The following SDHAF3 variants were observed in gnomAD, a reference collection of about 807,000 sequenced individuals.
SDHAF3 encodes the protein succinate dehydrogenase assembly factor 3, mitochondrial.
In SDHAF3, 18 loss-of-function variants were observed where a neutral mutation model predicts 11.5. That is an observed-to-expected ratio of 1.56 (90% confidence interval 1.08 to 2.32). SDHAF3 has a LOEUF of 2.32. Among genes scored for constraint, SDHAF3 ranks in the 30% most tolerant of loss-of-function variants. The pLI is 0.00. For missense variants in SDHAF3, 200 were observed against 154.4 expected, an observed-to-expected ratio of 1.30 and a Z score of -1.57; for synonymous variants, 72 against 59.3, an observed-to-expected ratio of 1.21 and a Z score of -0.99.
At chr7:97,119,361 T>A (rs1395426542) in intron 1 of SDHAF3, among the ~76,000 whole-genome samples, 2 of 151,728 alleles carry the variant, frequency 1.3e-5, no homozygotes, top group Non-Finnish European at 2.9e-5. Flanking sequence ...TCAGAAAAAA[T>A]TGATAATAGG....
intron 1 of SDHAF3, among the ~76,000 whole-genome samples, chr7:97,158,625 G>A (rs1005728283): frequency 6.6e-6 from 1 of 152,136 alleles, no homozygotes; most frequent in African/African-American, 2.4e-5. Flanking sequence ...CACCCAGCGA[G>A]TTTCCCCATG....
intron 1 of SDHAF3, among the ~76,000 whole-genome samples, chr7:97,170,377 T>C (rs775766658): frequency 6.6e-6 from 1 of 152,174 alleles, no homozygotes; most frequent in African/African-American, 2.4e-5. Context: ...TTAAAATTAG[T>C]TTTATGAATA....
intron 1 of SDHAF3, among the ~76,000 whole-genome samples, chr7:97,151,569 G>A (rs1584223183): frequency 6.7e-6 from 1 of 148,336 alleles, no homozygotes; most frequent in South Asian, 2.1e-4. Flanking sequence ...CACAATCTCC[G>A]CTCACTGCAA....
chr7:97,166,882 C>A (rs1370970104), intron 1 of SDHAF3, among the ~76,000 whole-genome samples: 1 of 152,104 alleles, frequency 6.6e-6, no homozygotes, highest in Non-Finnish European at 1.5e-5. Context: ...GTTATTAATT[C>A]AGCATAGAAC....
At chr7:97,139,423 A>G (rs1302504344) in intron 1 of SDHAF3, among the ~76,000 whole-genome samples, 1 of 152,184 alleles carries the variant, frequency 6.6e-6, no homozygotes, top group Non-Finnish European at 1.5e-5. Flanking sequence ...AGGCTAAAAC[A>G]AAGGCACCAC....
intron 1 of SDHAF3, among the ~76,000 whole-genome samples, chr7:97,180,765 C>T (rs1420285446): frequency 6.6e-6 from 1 of 152,166 alleles, no homozygotes; most frequent in Non-Finnish European, 1.5e-5. Flanking sequence ...GGACTCACCA[C>T]TCTTTACTTA....
At chr7:97,136,479 C>T in intron 1 of SDHAF3, 1 of 625,902 alleles carries the variant, frequency 1.6e-6, no homozygotes. Context: ...TAAGTAAGAC[C>T]TGCCAGATTA....
Position 97,142,304 on chromosome 7 carries a change from C to T in SDHAF3, c.174+24407C>T, listed in dbSNP as rs1355305516. On this transcript the variant is annotated intron_variant, in intron 1 of 1. Coordinates refer to ENST00000432641, the MANE Select transcript of SDHAF3 (RefSeq NM_020186.3). ...TCCTGACCTCGTGATCTGCCCACCT[C>T]GGCCTCCCAAAGTGCTAGGATTACA... is the stretch of plus-strand genomic sequence containing the variant. Among the ~76,000 whole-genome samples, 7 of 151,892 alleles carry T rather than the reference C, an allele frequency of 4.6e-5. No homozygotes were observed. In the South Asian group the frequency reaches 6.3e-4, roughly 14 times the overall value.
chr7:97,129,507 A>T (rs969109353), intron 1 of SDHAF3, among the ~76,000 whole-genome samples: 1 of 152,156 alleles, frequency 6.6e-6, no homozygotes, highest in Non-Finnish European at 1.5e-5. Context: ...CTTTACTGCT[A>T]GTTTAGTCTG....
At chr7:97,152,697 T>C (rs1219905880) in intron 1 of SDHAF3, among the ~76,000 whole-genome samples, 1 of 152,224 alleles carries the variant, frequency 6.6e-6, no homozygotes, top group Non-Finnish European at 1.5e-5. Context: ...TCGCCCAGGC[T>C]GGATTGCAAT....
intron 1 of SDHAF3, among the ~76,000 whole-genome samples, chr7:97,156,962 C>G (rs897460063): frequency 6.6e-6 from 1 of 152,084 alleles, no homozygotes; most frequent in Non-Finnish European, 1.5e-5. Context: ...TTAATGCTAT[C>G]CCTCCCCCAG....
At chr7:97,135,412 T>C (rs1308320637) in intron 1 of SDHAF3, 2 of 152,212 alleles carry the variant, frequency 1.3e-5, no homozygotes, top group Non-Finnish European at 2.9e-5. Context: ...TTAGACGTTG[T>C]CTCTGACCTG....
chr7:97,154,961 A>G (rs1331883880), intron 1 of SDHAF3, among the ~76,000 whole-genome samples: 2 of 152,164 alleles, frequency 1.3e-5, no homozygotes, highest in Non-Finnish European at 2.9e-5. Context: ...TTGTCAGTCT[A>G]GTGTTTTCTT....
In SDHAF3 at chr7:97,135,449, C is replaced by T. The variant is rs1489154301; in HGVS notation, c.174+17552C>T. 7.2e-5 allele frequency: 11 copies of T among 152,178 alleles called. No individual in the cohort carries two copies. The East Asian group carries it at 1.9e-3, about 27-fold the overall frequency. 9.4% of individuals were successfully genotyped at this position (152,178 alleles called of 1,614,324 possible). On this transcript the variant is annotated intron_variant, in intron 1 of 1. Coordinates refer to ENST00000432641, the MANE Select transcript of SDHAF3 (RefSeq NM_020186.3). ...AAGAGGACTTCTTAAAAACCTGCAA[C>T]ACTAATGGGGATCTCTGGATTTTTC...
At chr7:97,174,956 G>A (rs1789657964) in intron 1 of SDHAF3, among the ~76,000 whole-genome samples, 1 of 152,130 alleles carries the variant, frequency 6.6e-6, no homozygotes, top group Non-Finnish European at 1.5e-5. Context: ...TAGGTCTCTT[G>A]TGTTTCCTGT....
chr7:97,137,173 A>G (rs1788937340), intron 1 of SDHAF3, among the ~76,000 whole-genome samples: 1 of 152,146 alleles, frequency 6.6e-6, no homozygotes, highest in Non-Finnish European at 1.5e-5. Flanking sequence ...ATAGCCTACT[A>G]GATTTACATT....
intron 1 of SDHAF3, among the ~76,000 whole-genome samples, chr7:97,161,020 C>A (rs1259831467): frequency 6.6e-6 from 1 of 151,790 alleles, no homozygotes; most frequent in Non-Finnish European, 1.5e-5. Flanking sequence ...AAAAGTGAAA[C>A]ACATTTAGTA....
At chr7:97,179,962 T>C (rs1789745665) in intron 1 of SDHAF3, among the ~76,000 whole-genome samples, 1 of 152,238 alleles carries the variant, frequency 6.6e-6, no homozygotes, top group African/African-American at 2.4e-5. Flanking sequence ...AGCAGCATTA[T>C]CCAGAGTTAG....
chr7:97,124,125 T>C (rs1405813918), intron 1 of SDHAF3, among the ~76,000 whole-genome samples: 1 of 152,120 alleles, frequency 6.6e-6, no homozygotes, highest in African/African-American at 2.4e-5. Flanking sequence ...GTTTTTATGG[T>C]TTTAGGTTTT....
Sources: gnomAD v4.1 joint callset for allele counts (sites outside exome capture counted in the v4.1 genomes callset) on GRCh38, gnomAD v4.1.1 for gene constraint, MANE v1.5 for transcripts, NCBI Gene and HGNC (gene_info 2026-07-23, HGNC 2026-07-21) for gene names.